The following FREM3 variants were observed in gnomAD, a reference collection of about 807,000 sequenced individuals.
FREM3 encodes FRAS1 related extracellular matrix 3, also known as FRAS1-related extracellular matrix protein 3.
Under a neutral mutation model 129.1 loss-of-function variants are expected in FREM3, and 105 were observed. The ratio of observed to expected loss-of-function variants is 0.81; its 90% CI spans 0.69 to 0.96. The LOEUF (loss-of-function observed/expected upper bound fraction) is 0.96. FREM3 is among the 40% of genes least tolerant of loss of function. FREM3 has a pLI of 0.00. For missense variants in FREM3, 2,593 were observed against 2,666.3 expected (o/e 0.97, Z 0.61); for synonymous variants, 1,014 against 1,044.9 (o/e 0.97, Z 0.57).
chr4:143,577,430 G>A lies in FREM3; in HGVS notation c.*181C>T. The A allele has an allele frequency of 3.4e-6, 2 of 586,914 alleles. No homozygotes were observed. The highest frequency in any genetic ancestry group is 5.0e-5 in the South Asian group (2 of 39,926). The allele number at this position is 586,914 out of a possible 1,614,324, so 36.4% of individuals were successfully genotyped here. A position where few individuals can be genotyped will look rare whatever the true frequency, so the allele number is the denominator to read the frequency against. ...TATTTGTGGGCTCAATGTTTTCTAG[G>A]TATATATATTTCTATCTCCATGCAG... On this transcript the variant is annotated 3_prime_UTR_variant, in exon 8 of 8. Transcript: ENST00000329798.
intron 2 of FREM3, among the ~76,000 whole-genome samples, chr4:143,661,003 C>T (rs1344921662): frequency 5.3e-5 from 8 of 152,104 alleles, no homozygotes; most frequent in Non-Finnish European, 7.4e-5. Flanking sequence ...ATGGGGTTTT[C>T]TAGATATACA....
intron 2 of FREM3, among the ~76,000 whole-genome samples, chr4:143,675,946 G>A (rs1301423786): frequency 1.3e-5 from 2 of 152,016 alleles, no homozygotes; most frequent in Non-Finnish European, 2.9e-5. Flanking sequence ...ATTCACAGCC[G>A]AATTCTACCA....
At chr4:143,604,323 C>T (rs75941058) in intron 6 of FREM3, among the ~76,000 whole-genome samples, 5,881 of 152,070 alleles carry the variant, frequency 0.039, 166 homozygotes, top group Non-Finnish European at 0.057. Context: ...TTTATAGCAA[C>T]GCAAAAGGAC....
chr4:143,639,520 C>T (rs1438004115), intron 2 of FREM3, among the ~76,000 whole-genome samples: 1 of 152,124 alleles, frequency 6.6e-6, no homozygotes, highest in Non-Finnish European at 1.5e-5. Context: ...CTTTCTGCCC[C>T]CCTTAGCATG....
At chr4:143,679,137 T>A (rs1004547393) in intron 2 of FREM3, among the ~76,000 whole-genome samples, 5 of 152,198 alleles carry the variant, frequency 3.3e-5, no homozygotes, top group African/African-American at 1.2e-4. Context: ...CACCAGAAAT[T>A]ATAGGTCATT....
At chr4:143,635,101 G>A (rs1211852987) in intron 2 of FREM3, among the ~76,000 whole-genome samples, 1 of 152,146 alleles carries the variant, frequency 6.6e-6, no homozygotes, top group Non-Finnish European at 1.5e-5. Context: ...ACTTTGTGTA[G>A]CTGACACTAT....
chr4:143,580,255 A>G (rs945706518), intron 7 of FREM3, among the ~76,000 whole-genome samples: 3 of 152,240 alleles, frequency 2.0e-5, no homozygotes, highest in African/African-American at 4.8e-5. Context: ...AGGAAGCAAC[A>G]TGACCCACAG....
At chr4:143,634,890 A>G (rs1313469923) in intron 2 of FREM3, among the ~76,000 whole-genome samples, 1 of 152,128 alleles carries the variant, frequency 6.6e-6, no homozygotes, top group Non-Finnish European at 1.5e-5. Context: ...TGGAGGCCAG[A>G]GAGATCATTG....
chr4:143,621,279 C>T, intron 4 of FREM3, 117 bp from the exon 5 acceptor site: 1 of 936,372 alleles, frequency 1.1e-6, no homozygotes, highest in South Asian at 1.7e-5. Context: ...ACATGATTAA[C>T]TGTATTAAAT....
intron 2 of FREM3, among the ~76,000 whole-genome samples, chr4:143,686,932 C>A (rs1372369579): frequency 6.6e-6 from 1 of 151,916 alleles, no homozygotes; most frequent in Non-Finnish European, 1.5e-5. Flanking sequence ...AAGAACAAAC[C>A]AAACCCAAAC....
rs1166046093 is a variant in FREM3, at chr4:143,591,472, C to T, written c.6029-5479G>A. Reference sequence around the variant, plus strand: ...TCTCATTGGTTTCAAAGAACATCTTCATTTCTGCCTTCATTTCGTTATGTA... The same window carrying T: ...TCTCATTGGTTTCAAAGAACATCTTTATTTCTGCCTTCATTTCGTTATGTA... On this transcript the variant is annotated intron_variant, in intron 6 of 7. Coordinates refer to ENST00000329798, the MANE Select transcript of FREM3 (RefSeq NM_001168235.2). Among the ~76,000 whole-genome samples, 8 of 152,128 alleles carry T rather than the reference C, an allele frequency of 5.3e-5. 1 individual carries two copies. Among genetic ancestry groups the T allele is most frequent in the African/African-American group, 1.9e-4 (8 of 41,432 alleles).
At chr4:143,652,215 T>C (rs1197579994) in intron 2 of FREM3, among the ~76,000 whole-genome samples, 1 of 34,798 alleles carries the variant, frequency 2.9e-5, no homozygotes, top group African/African-American at 6.6e-5. Context: ...GACTGCGGAC[T>C]GCAGTGGCGC....
intron 2 of FREM3, among the ~76,000 whole-genome samples, chr4:143,690,753 A>G (rs535885469): frequency 2.0e-5 from 3 of 152,356 alleles, no homozygotes; most frequent in African/African-American, 7.2e-5. Context: ...AAAATAACAG[A>G]TAAAAAAATG....
intron 5 of FREM3, among the ~76,000 whole-genome samples, chr4:143,614,184 A>G (rs1009886822): frequency 2.0e-5 from 3 of 152,250 alleles, no homozygotes; most frequent in African/African-American, 7.2e-5. Flanking sequence ...AAGTTGTCTA[A>G]GTAAATTGTA....
At chr4:143,640,692 A>G (rs1050878729) in intron 2 of FREM3, among the ~76,000 whole-genome samples, 15 of 152,156 alleles carry the variant, frequency 9.9e-5, no homozygotes, top group Admixed American at 6.6e-4. Flanking sequence ...TTTTAGTAAT[A>G]TAATATAAAG....
rs746375675 is a variant in FREM3, at chr4:143,585,087, A to C, written c.6178+757T>G. ...AAATTTTTTTGAAACTAATGAGAAC[A>C]AAGATACAACATACCAGAACTTCTG... On this transcript the variant is annotated intron_variant, in intron 7 of 7. Coordinates refer to ENST00000329798, the MANE Select transcript of FREM3 (RefSeq NM_001168235.2). The surrounding 1 kb of genome is among the most constrained non-coding windows in gnomAD (Gnocchi z 4.2). Among the ~76,000 whole-genome samples the C allele has an allele frequency of 5.9e-5, 9 of 152,218 alleles. No individual in the cohort carries two copies. The highest frequency in any genetic ancestry group is 1.2e-4 in the Non-Finnish European group (8 of 68,012).
rs369963164 is a variant in FREM3, at chr4:143,699,785, G to T, written c.891C>A (p.Arg297=). The T allele has an allele frequency of 3.8e-5, 58 of 1,535,308 alleles. No homozygotes were observed. Among genetic ancestry groups the T allele is most frequent in the Non-Finnish European group, 4.6e-5 (53 of 1,146,248 alleles). The change falls in exon 1 of 8, where the codon CGC becomes CGA. Residue 297 remains arginine (R), a synonymous_variant. Transcript: ENST00000329798. This position sits in a 1 kb window ranked among gnomAD's most constrained non-coding sequence, Gnocchi z 4.2. ...TGGGCGGTGTGTTCTCGGCTCCGCC[G>T]CGGATCCTCACGAGCAGCTGGAAGT... ...REHFQLLVRI[R]GGAENTPPRP...
chr4:143,687,266 G>C (rs141987247), intron 2 of FREM3, among the ~76,000 whole-genome samples: 72 of 152,070 alleles, frequency 4.7e-4, no homozygotes, highest in African/African-American at 1.6e-3. Context: ...ATAAATTTCT[G>C]GAAAAATACA....
Position 143,697,436 on chromosome 4 carries a change from G to T in FREM3, c.3240C>A (p.Val1080=). 1 of 1,537,172 alleles carries T rather than the reference G, an allele frequency of 6.5e-7. No homozygotes were observed. The highest frequency in any genetic ancestry group is 8.7e-7 in the Non-Finnish European group (1 of 1,146,874). The part of the protein sequence containing the change: ...PKVFVGESFI[V]YEGEKNSLTL... ...TCAAGGAGTTCTTCTCACCTTCATA[G>T]ACAATGAAGGACTCCCCGACGAAGA... is the stretch of plus-strand genomic sequence containing the variant. Residue 1080 remains valine, a synonymous_variant, in exon 1 of 8, where the codon GTC becomes GTA. Transcript: ENST00000329798.
Sources: gnomAD v4.1 joint callset for allele counts (sites outside exome capture counted in the v4.1 genomes callset) on GRCh38, gnomAD v4.1.1 for gene constraint, Gnocchi (gnomAD v3.1) non-coding constraint, MANE v1.5 for transcripts, NCBI Gene and HGNC (gene_info 2026-07-23, HGNC 2026-07-21) for gene names.